The following ANKRD6 variants were observed in gnomAD, a reference collection of about 807,000 sequenced individuals.
ANKRD6 encodes ankyrin repeat domain 6, also known as ankyrin repeat domain-containing protein 6.
Under a neutral mutation model 82.3 loss-of-function variants are expected in ANKRD6, and 56 were observed. The observed-to-expected ratio is 0.68, with a 90% CI of 0.55 to 0.85. The LOEUF (loss-of-function observed/expected upper bound fraction) is 0.85. Ranked by LOEUF, ANKRD6 falls within the 40% of genes least tolerant of loss-of-function variation. The probability of loss-of-function intolerance (pLI) is 0.00; values close to 1 mark genes in which losing one functional copy is unlikely to be tolerated. For synonymous variants in ANKRD6, 347 were observed against 352.1 expected (o/e 0.99, Z 0.16); for missense variants, 852 against 907.6 (o/e 0.94, Z 0.79).
intron 1 of ANKRD6, among the ~76,000 whole-genome samples, chr6:89,524,301 C>G (rs567963809): frequency 3.9e-5 from 6 of 152,178 alleles, no homozygotes; most frequent in African/African-American, 1.4e-4. Flanking sequence ...CCCTCACCCC[C>G]CTCCCACCTT....
chr6:89,609,193 C>T (rs1312136020), intron 5 of ANKRD6, among the ~76,000 whole-genome samples: 3 of 152,222 alleles, frequency 2.0e-5, no homozygotes, highest in South Asian at 2.1e-4. Context: ...CAGCAAGCTA[C>T]GTATGGTAAT....
chr6:89,502,045 T>C (rs992897099), intron 1 of ANKRD6, among the ~76,000 whole-genome samples: 2 of 152,218 alleles, frequency 1.3e-5, no homozygotes, highest in African/African-American at 2.4e-5. Flanking sequence ...CATATTCTTA[T>C]TGTTAACATT....
intron 5 of ANKRD6, among the ~76,000 whole-genome samples, chr6:89,610,302 G>A (rs1044644966): frequency 2.0e-5 from 3 of 152,082 alleles, no homozygotes; most frequent in African/African-American, 4.8e-5. Context: ...GGCAACCACG[G>A]ATCTGTTTTG....
chr6:89,520,877 A>G (rs1287734924), intron 1 of ANKRD6, among the ~76,000 whole-genome samples: 3 of 152,120 alleles, frequency 2.0e-5, no homozygotes, highest in Admixed American at 6.6e-5. Context: ...AGTCCTAGCT[A>G]TCTGGGAGGC....
chr6:89,478,432 C>T (rs1776342038), intron 1 of ANKRD6: 1 of 151,152 alleles, frequency 6.6e-6, no homozygotes, highest in Non-Finnish European at 1.5e-5. Context: ...GACCCTGTCT[C>T]TAAAAAAAAA....
intron 7 of ANKRD6, 117 bp from the exon 8 acceptor site, chr6:89,616,442 A>T: frequency 1.1e-6 from 1 of 878,516 alleles, no homozygotes; most frequent in East Asian, 2.5e-5. Context: ...GCCCCATTTC[A>T]GTCTCAGGCA....
chr6:89,622,421 G>A (rs903634266), intron 10 of ANKRD6, among the ~76,000 whole-genome samples: 1 of 152,158 alleles, frequency 6.6e-6, no homozygotes, highest in Admixed American at 6.5e-5. Context: ...GATAATTCTT[G>A]GGCCTCACCT....
chr6:89,577,054 C>G (rs535209698), intron 2 of ANKRD6, among the ~76,000 whole-genome samples: 2 of 152,208 alleles, frequency 1.3e-5, no homozygotes, highest in African/African-American at 4.8e-5. Context: ...CATGCCCAGC[C>G]TTCCTGGGCA....
In ANKRD6 at chr6:89,630,707, A is replaced by G. The variant is rs1807212905; in HGVS notation, c.1887A>G (p.Thr629=). Residue 629 remains threonine, a synonymous_variant, in exon 16 of 16, where the codon ACA becomes ACG. Transcript: ENST00000339746. ...AGAAGTCTGGGAAGAGTGGGCCAAC[A>G]AGGCATCGTGCCCAGCAACCCGCAG... ...QTKKSGKSGP[T]RHRAQQPAAS... 1.2e-6 allele frequency: 2 copies of G among 1,613,972 alleles called. No individual in the cohort carries two copies. The highest frequency in any genetic ancestry group is 8.5e-7 in the Non-Finnish European group (1 of 1,179,880).
At chr6:89,609,239 G>C (rs190518402) in intron 5 of ANKRD6, among the ~76,000 whole-genome samples, 27 of 152,212 alleles carry the variant, frequency 1.8e-4, no homozygotes, top group African/African-American at 6.0e-4. Context: ...CTCAGGAGGT[G>C]GGTGGCTGCC....
chr6:89,579,909 G>A (rs376480837), intron 2 of ANKRD6, among the ~76,000 whole-genome samples: 10 of 152,078 alleles, frequency 6.6e-5, no homozygotes, highest in Admixed American at 1.3e-4. Flanking sequence ...CCAAAGTGAC[G>A]TTGAAGAACA....
intron 1 of ANKRD6, among the ~76,000 whole-genome samples, chr6:89,520,054 C>T (rs1460899420): frequency 1.3e-5 from 2 of 152,170 alleles, no homozygotes; most frequent in Non-Finnish European, 2.9e-5. Flanking sequence ...GTGGCACAAT[C>T]ACGGCTCACT....
intron 2 of ANKRD6, among the ~76,000 whole-genome samples, chr6:89,589,943 G>A (rs559009648): frequency 4.1e-4 from 63 of 152,278 alleles, no homozygotes; most frequent in Non-Finnish European, 7.2e-4. Context: ...CACCCCTGCC[G>A]GCCTCAGATG....
rs546883852 is a variant in ANKRD6, at chr6:89,627,629, G to A, written c.1418G>A (p.Arg473Lys). The A allele has an allele frequency of 1.9e-6, 3 of 1,613,842 alleles. No individual in the cohort carries two copies. The South Asian group carries it at 3.3e-5, about 18-fold the overall frequency. Residue 473 changes from arginine (R) to lysine (K), a missense_variant, in exon 14 of 16, where the codon AGG becomes AAG. Coordinates refer to ENST00000339746, the MANE Select transcript of ANKRD6 (RefSeq NM_001242809.2). Reference sequence around the variant, plus strand: ...ATGGTTGAGCGACTTTCTGCAGAGAGGACGGAGTGCCTGAACCGCCTGCAA... The same window carrying A: ...ATGGTTGAGCGACTTTCTGCAGAGAAGACGGAGTGCCTGAACCGCCTGCAA... ...KLMVERLSAE[R>K]TECLNRLQQH...
intron 1 of ANKRD6, among the ~76,000 whole-genome samples, chr6:89,441,814 T>C (rs1382773258): frequency 1.3e-5 from 2 of 151,056 alleles, no homozygotes; most frequent in Non-Finnish European, 3.0e-5. Context: ...GTATTTTTAG[T>C]AGAGATGGGG....
At chr6:89,458,702 T>C (rs1157721454) in intron 1 of ANKRD6, among the ~76,000 whole-genome samples, 1 of 152,202 alleles carries the variant, frequency 6.6e-6, no homozygotes, top group African/African-American at 2.4e-5. Context: ...CCCACCCAGA[T>C]TGAGGGTGGA....
rs372651085 is a variant in ANKRD6, at chr6:89,630,626, G to A, written c.1806G>A (p.Glu602=). The A allele has an allele frequency of 1.1e-5, 18 of 1,613,804 alleles. No individual in the cohort carries two copies. In the African/African-American group the frequency reaches 1.9e-4, roughly 17 times the overall value. The change falls in exon 16 of 16, where the codon GAG becomes GAA. Residue 602 remains glutamate (E), a synonymous_variant. Transcript: ENST00000339746. ...KVQTALLPMN[E]AARSDQQAGP... Reference sequence around the variant, plus strand: ...AGACAGCCTTGCTACCCATGAATGAGGCAGCCAGATCTGATCAGCAGGCTG... The same window carrying A: ...AGACAGCCTTGCTACCCATGAATGAAGCAGCCAGATCTGATCAGCAGGCTG...
intron 1 of ANKRD6, among the ~76,000 whole-genome samples, chr6:89,524,624 GTTGA>G (rs1439482162): frequency 5.9e-5 from 9 of 152,252 alleles, no homozygotes; most frequent in African/African-American, 1.9e-4. Flanking sequence ...TTAGCCACAT[GTTGA>G]TTGATGGGCA....
chr6:89,625,510 T>C (rs974087411), intron 13 of ANKRD6, among the ~76,000 whole-genome samples: 5 of 152,186 alleles, frequency 3.3e-5, no homozygotes, highest in Non-Finnish European at 7.3e-5. Flanking sequence ...CCAGTTAATA[T>C]GTTGCTGCAT....
Sources: gnomAD v4.1 joint callset for allele counts (sites outside exome capture counted in the v4.1 genomes callset) on GRCh38, gnomAD v4.1.1 for gene constraint, MANE v1.5 for transcripts, NCBI Gene and HGNC (gene_info 2026-07-23, HGNC 2026-07-21) for gene names.